LIMA1: variants seen among roughly 807,000 people sequenced by gnomAD.
The protein encoded by LIMA1 is LIM domain and actin-binding protein 1.
In LIMA1, 52 loss-of-function variants were observed where a neutral mutation model predicts 62.6. The observed-to-expected ratio is 0.83, with a 90% CI of 0.67 to 1.05. The LOEUF is 1.05. LIMA1 is among the 50% of genes least tolerant of loss of function. The pLI is 0.00. For synonymous variants in LIMA1, 302 were observed against 317.8 expected, an observed-to-expected ratio of 0.95 and a Z score of 0.53; for missense variants, 780 against 902.2, an observed-to-expected ratio of 0.86 and a Z score of 1.74.
At chr12:50,269,325 A>T (rs1199383020) in intron 1 of LIMA1, among the ~76,000 whole-genome samples, 4 of 152,214 alleles carry the variant, frequency 2.6e-5, no homozygotes, top group African/African-American at 4.8e-5. Flanking sequence ...TAATATTCAG[A>T]TGAAGAAACT....
chr12:50,219,619 C>T (rs1239569409), intron 4 of LIMA1: 1 of 152,170 alleles, frequency 6.6e-6, no homozygotes, highest in Non-Finnish European at 1.5e-5. Flanking sequence ...AGTGACAAAT[C>T]AGGAAATTAA....
chr12:50,179,276 G>C (rs974813698), intron 10 of LIMA1, among the ~76,000 whole-genome samples: 1 of 151,970 alleles, frequency 6.6e-6, no homozygotes, highest in African/African-American at 2.4e-5. Flanking sequence ...TGAGTAGTTG[G>C]GACTACAGGT....
At chr12:50,245,089 A>C (rs1041483304) in intron 2 of LIMA1, among the ~76,000 whole-genome samples, 40 of 152,160 alleles carry the variant, frequency 2.6e-4, no homozygotes, top group African/African-American at 7.5e-4. Context: ...GGGAGACAAC[A>C]TGCAGGTTGC....
chr12:50,238,746 A>T (rs1378176038), intron 2 of LIMA1, among the ~76,000 whole-genome samples: 2 of 151,528 alleles, frequency 1.3e-5, no homozygotes, highest in Non-Finnish European at 2.9e-5. Context: ...GCTATTGAGG[A>T]GGCTGAGGCA....
chr12:50,198,866 T>C (rs1940985516), intron 7 of LIMA1, among the ~76,000 whole-genome samples: 1 of 152,208 alleles, frequency 6.6e-6, no homozygotes, highest in African/African-American at 2.4e-5. Flanking sequence ...CATCTAATGA[T>C]TAATACATAA....
chr12:50,241,939 T>A, intron 2 of LIMA1, among the ~76,000 whole-genome samples: 1 of 47,288 alleles, frequency 2.1e-5, no homozygotes, highest in African/African-American at 1.3e-4. Flanking sequence ...CCAGATTTTT[T>A]TTTTTTTTTT....
intron 9 of LIMA1, among the ~76,000 whole-genome samples, chr12:50,183,603 G>A (rs1377385072): frequency 3.3e-5 from 5 of 151,928 alleles, no homozygotes; most frequent in African/African-American, 1.2e-4. Context: ...ACGAGGTCAG[G>A]AGTTCAAGAC....
At chr12:50,273,198 G>C (rs1338602636) in intron 1 of LIMA1, among the ~76,000 whole-genome samples, 1 of 151,880 alleles carries the variant, frequency 6.6e-6, no homozygotes, top group Non-Finnish European at 1.5e-5. Flanking sequence ...CAAGTGATCC[G>C]CCAGCCTTGG....
Position 50,214,541 on chromosome 12 carries a change from G to A in LIMA1, c.630+7480C>T, listed in dbSNP as rs868160143. Among the ~76,000 whole-genome samples the A allele has an allele frequency of 3.3e-5, 5 of 152,346 alleles. No individual in the cohort carries two copies. In the Middle Eastern group the frequency reaches 0.01, roughly 311 times the overall value. Reference sequence around the variant, plus strand: ...CCATGCAATTTGGCTGGGCGCAGTGGCTCACACCTATAATCCCAGCATTTT... The same window carrying A: ...CCATGCAATTTGGCTGGGCGCAGTGACTCACACCTATAATCCCAGCATTTT... On this transcript the variant is annotated intron_variant, in intron 4 of 10. Transcript: ENST00000341247.
intron 2 of LIMA1, among the ~76,000 whole-genome samples, chr12:50,235,957 G>A (rs1941686540): frequency 6.6e-6 from 1 of 152,118 alleles, no homozygotes; most frequent in African/African-American, 2.4e-5. Flanking sequence ...CTGAGGTCAG[G>A]AGTTGGAAAC....
At chr12:50,191,560 G>A (rs1237368975) in intron 9 of LIMA1, among the ~76,000 whole-genome samples, 3 of 150,856 alleles carry the variant, frequency 2.0e-5, no homozygotes, top group East Asian at 2.0e-4. Context: ...AGTGGTTCAC[G>A]CCTGTAATCC....
intron 2 of LIMA1, among the ~76,000 whole-genome samples, chr12:50,231,983 G>T (rs535039912): frequency 1.3e-5 from 2 of 150,244 alleles, no homozygotes; most frequent in African/African-American, 4.9e-5. Flanking sequence ...GGCCAGGCTG[G>T]TCTCGAACTC....
chr12:50,179,446 G>GT (rs1555203133), intron 10 of LIMA1, among the ~76,000 whole-genome samples: 97 of 118,972 alleles, frequency 8.2e-4, no homozygotes, highest in Middle Eastern at 5.9e-3. Context: ...AGCCATTTTT[G>GT]TTTTTTTTTG....
At chr12:50,226,202 AC>A (rs1170218342) in intron 3 of LIMA1, among the ~76,000 whole-genome samples, 1 of 151,908 alleles carries the variant, frequency 6.6e-6, no homozygotes, top group Non-Finnish European at 1.5e-5. Flanking sequence ...CCATGCCACC[AC>A]GCCCAGCTAA....
At chr12:50,219,358 G>A (rs901031713) in intron 4 of LIMA1, among the ~76,000 whole-genome samples, 2 of 151,880 alleles carry the variant, frequency 1.3e-5, no homozygotes, top group Admixed American at 6.6e-5. Context: ...GGTGGCGGGC[G>A]CCTATAATCC....
intron 3 of LIMA1, among the ~76,000 whole-genome samples, chr12:50,222,922 GT>G (rs1325030046): frequency 2.6e-5 from 4 of 151,304 alleles, no homozygotes; most frequent in Non-Finnish European, 4.4e-5. Flanking sequence ...ATTCTGCTGG[GT>G]TTTTTTTTCT....
intron 8 of LIMA1, among the ~76,000 whole-genome samples, chr12:50,193,666 A>AT (rs1166489086): frequency 0.012 from 719 of 59,994 alleles, 20 homozygotes; most frequent in African/African-American, 0.04. Flanking sequence ...ATATATATAT[A>AT]TTTTTTTTTT....
rs1940394292 is a variant in LIMA1, at chr12:50,177,983, T to G, written c.1361A>C (p.Glu454Ala). ...CTTGTGTGGTCTGTGCCCAAAGCCT[T>G]CATCATAGTTGCCCTTAGATTTAAA... ...QLFKSKGNYD[E>A]GFGHRPHKDL... The change falls in exon 11 of 11, where the codon GAA (glutamate) becomes GCA (alanine). Residue 454 changes from glutamate (E) to alanine (A), a missense_variant. Physicochemically the swap from Glu to Ala is moderately radical, Grantham distance 107 (BLOSUM62 -1). Transcript: ENST00000341247. 1 of 1,604,096 alleles carries G rather than the reference T, an allele frequency of 6.2e-7. No homozygotes were observed. Among genetic ancestry groups the G allele is most frequent in the African/African-American group, 1.3e-5 (1 of 74,224 alleles).
chr12:50,257,103 A>C (rs1225233819), intron 1 of LIMA1, among the ~76,000 whole-genome samples: 1 of 152,170 alleles, frequency 6.6e-6, no homozygotes, highest in East Asian at 1.9e-4. Context: ...CATTAATTTT[A>C]GCATTCATGG....
Sources: gnomAD v4.1 joint callset for allele counts (sites outside exome capture counted in the v4.1 genomes callset) on GRCh38, gnomAD v4.1.1 for gene constraint, MANE v1.5 for transcripts, NCBI Gene and HGNC (gene_info 2026-07-23, HGNC 2026-07-21) for gene names.